EYS: variants seen among roughly 807,000 people sequenced by gnomAD.
The protein encoded by EYS is protein eyes shut homolog.
A neutral mutation model predicts 282.1 loss-of-function variants in EYS; 250 were observed. The ratio of observed to expected loss-of-function variants is 0.89; its 90% CI spans 0.80 to 0.98. The LOEUF is 0.98. EYS is among the 50% of genes least tolerant of loss of function. EYS has a pLI of 0.00. For synonymous variants in EYS, 1,355 were observed against 1,282.9 expected (o/e 1.06, Z -1.20); for missense variants, 4,016 against 3,709.0 (o/e 1.08, Z -2.15).
intron 31 of EYS, among the ~76,000 whole-genome samples, chr6:64,139,621 A>C (rs1774274210): frequency 6.6e-6 from 1 of 152,068 alleles, no homozygotes; most frequent in African/African-American, 2.4e-5. Context: ...ATGGGCATTG[A>C]AGAGTTGAGC....
chr6:64,940,672 T>C (rs1309051950), intron 15 of EYS, among the ~76,000 whole-genome samples: 2 of 152,128 alleles, frequency 1.3e-5, no homozygotes, highest in South Asian at 2.1e-4. Flanking sequence ...GCATTGTGAG[T>C]TTTCCTATAT....
chr6:64,649,788 G>GTGA (rs1276410032), intron 22 of EYS, among the ~76,000 whole-genome samples: 1 of 152,104 alleles, frequency 6.6e-6, no homozygotes, highest in Non-Finnish European at 1.5e-5. Flanking sequence ...CTTTCAGAAA[G>GTGA]TGATGGAACA....
chr6:63,882,580 C>T (rs1190948946), intron 35 of EYS, among the ~76,000 whole-genome samples: 2 of 152,168 alleles, frequency 1.3e-5, no homozygotes, highest in East Asian at 3.8e-4. Context: ...TAGATATCAT[C>T]CCGTTTTGCA....
chr6:63,972,605 T>C (rs1377792311), intron 35 of EYS, among the ~76,000 whole-genome samples: 7 of 152,150 alleles, frequency 4.6e-5, no homozygotes, highest in African/African-American at 1.7e-4. Context: ...GTTTGTTACA[T>C]AGGTATACAT....
chr6:63,876,012 A>G (rs1245252197), intron 35 of EYS, among the ~76,000 whole-genome samples: 1 of 152,060 alleles, frequency 6.6e-6, no homozygotes, highest in Non-Finnish European at 1.5e-5. Flanking sequence ...GCCTTCTGCT[A>G]GCTTTTGAAT....
At chr6:65,101,758 A>AT (rs1281531805) in intron 12 of EYS, among the ~76,000 whole-genome samples, 1 of 150,734 alleles carries the variant, frequency 6.6e-6, no homozygotes, top group Non-Finnish European at 1.5e-5. Context: ...TAATGACCTT[A>AT]TTTTTTTGCT....
Position 65,342,830 on chromosome 6 carries a change from G to A in EYS, c.1599+1208C>T, listed in dbSNP as rs573041632. ...ATTGTCTAATTTAATTAAAGTTGGT[G>A]ATTTATATTATAAAAGGATACTGAG... On this transcript the variant is annotated intron_variant, in intron 10 of 42. Transcript: ENST00000503581. Among the ~76,000 whole-genome samples the A allele has an allele frequency of 2.0e-5, 3 of 150,814 alleles. No individual in the cohort carries two copies. The South Asian group carries it at 6.3e-4, about 31-fold the overall frequency.
intron 28 of EYS, among the ~76,000 whole-genome samples, chr6:64,429,005 C>T (rs147086294): frequency 3.0e-4 from 46 of 152,050 alleles, no homozygotes; most frequent in Admixed American, 1.6e-3. Context: ...GAGGTCCAGA[C>T]GACTTATAGA....
rs1582107620 is a variant in EYS, at chr6:64,000,186, T to TCAG, written c.6726-1004_6726-1003insCTG. 6.1e-5 allele frequency among the ~76,000 whole-genome samples: 6 copies of TCAG among 98,228 alleles called. 1 individual carries two copies. Among genetic ancestry groups the TCAG allele is most frequent in the South Asian group, 7.7e-4 (2 of 2,604 alleles). 64.4% of individuals were successfully genotyped at this position (98,228 alleles called of 152,430 possible). A position where few individuals can be genotyped will look rare whatever the true frequency, so the allele number is the denominator to read the frequency against. ...CATGGGACTTTTTTTTTTTTTTTTTTTTTTTTTTTTTTTTTTTTTTTTTTA... is the reference window on the plus strand; with the variant it reads ...CATGGGACTTTTTTTTTTTTTTTTTTCAGTTTTTTTTTTTTTTTTTTTTTTTTA... On this transcript the variant is annotated intron_variant, in intron 33 of 42. Coordinates refer to ENST00000503581, the MANE Select transcript of EYS (RefSeq NM_001142800.2).
At chr6:65,385,548 T>C (rs559357548) in intron 7 of EYS, among the ~76,000 whole-genome samples, 6 of 151,918 alleles carry the variant, frequency 3.9e-5, no homozygotes, top group Non-Finnish European at 7.4e-5. Flanking sequence ...TTTTACACAA[T>C]TTTCTTAAGT....
rs1241930205 is a variant in EYS at position 64,315,288 on chromosome 6, CA to C, written c.6079-8207del. ...AGGCAGTAATTAATAGCCTACCAAC[CA>C]AAAACGTCCAGGATCAGATGGATTC... On this transcript the variant is annotated intron_variant, in intron 29 of 42. Transcript: ENST00000503581. Among the ~76,000 whole-genome samples the C allele has an allele frequency of 3.3e-5, 5 of 152,038 alleles. No homozygotes were observed. In the East Asian group the frequency reaches 9.6e-4, roughly 29 times the overall value.
intron 35 of EYS, among the ~76,000 whole-genome samples, chr6:63,910,086 T>C (rs971751380): frequency 4.6e-5 from 7 of 152,078 alleles, no homozygotes; most frequent in Non-Finnish European, 8.8e-5. Context: ...AAAAGAAGAC[T>C]GAAAAATGGG....
At chr6:63,835,268 T>A (rs942206122) in intron 36 of EYS, among the ~76,000 whole-genome samples, 2 of 147,304 alleles carry the variant, frequency 1.4e-5, no homozygotes, top group Non-Finnish European at 3.1e-5. Flanking sequence ...TGTATATATA[T>A]ATACATATAT....
At chr6:64,347,186 C>T (rs1486337408) in intron 29 of EYS, among the ~76,000 whole-genome samples, 1 of 151,294 alleles carries the variant, frequency 6.6e-6, no homozygotes, top group African/African-American at 2.4e-5. Flanking sequence ...AATGATATTT[C>T]AGAAGTATAT....
At chr6:64,661,209 G>C (rs1055791582) in intron 22 of EYS, among the ~76,000 whole-genome samples, 2 of 151,994 alleles carry the variant, frequency 1.3e-5, no homozygotes. Flanking sequence ...ACTGGATCCT[G>C]TCCTTACACC....
rs1766315353 is a variant in EYS at position 65,498,028 on chromosome 6, A to G, written c.-332-2035T>C. On this transcript the variant is annotated intron_variant, in intron 2 of 42. Coordinates refer to ENST00000503581, the MANE Select transcript of EYS (RefSeq NM_001142800.2). Reference sequence around the variant, plus strand: ...ACTAATTAGTACAGAGGCAATACAAATATAACACTCGTGAAGTCCATAAAT... The same window carrying G: ...ACTAATTAGTACAGAGGCAATACAAGTATAACACTCGTGAAGTCCATAAAT... 2.6e-5 allele frequency among the ~76,000 whole-genome samples: 4 copies of G among 152,082 alleles called. 1 individual carries two copies. The South Asian group carries it at 8.3e-4, about 31-fold the overall frequency.
intron 35 of EYS, among the ~76,000 whole-genome samples, chr6:63,976,982 T>C (rs1766865406): frequency 6.6e-6 from 1 of 151,932 alleles, no homozygotes; most frequent in Non-Finnish European, 1.5e-5. Flanking sequence ...TCTCTTTCTC[T>C]GAACTCTCTT....
chr6:64,945,649 C>G, intron 15 of EYS, 144 bp downstream of exon 15: 1 of 658,890 alleles, frequency 1.5e-6, no homozygotes, highest in Admixed American at 3.6e-5. Context: ...GATTGCGACA[C>G]CATCTTGTCA....
intron 16 of EYS, among the ~76,000 whole-genome samples, chr6:64,909,065 C>T (rs1014068418): frequency 5.3e-5 from 8 of 152,160 alleles, no homozygotes; most frequent in South Asian, 2.1e-4. Context: ...AAGCTTTTAC[C>T]GCATTGTACT....
Sources: allele counts gnomAD v4.1 joint callset (sites outside exome capture counted in the v4.1 genomes callset), GRCh38; gene constraint gnomAD v4.1.1; transcripts MANE v1.5; gene names NCBI Gene and HGNC (gene_info 2026-07-23, HGNC 2026-07-21).